Variants in PEAK1 observed in about 807,000 individuals in gnomAD.
PEAK1 encodes pseudopodium enriched atypical kinase 1.
Under a neutral mutation model 124.7 loss-of-function variants are expected in PEAK1, and 54 were observed. That is an observed-to-expected ratio of 0.43 (90% confidence interval 0.35 to 0.54). The LOEUF is 0.54. PEAK1 is among the 20% of genes least tolerant of loss of function. The pLI, the probability that PEAK1 is intolerant of heterozygous loss-of-function variation, is 0.01. For missense variants in PEAK1, 2,046 were observed against 2,134.5 expected (o/e 0.96, Z 0.82); for synonymous variants, 719 against 760.0 (o/e 0.95, Z 0.89).
intron 1 of PEAK1, among the ~76,000 whole-genome samples, chr15:77,384,109 T>C (rs562748418): frequency 6.6e-6 from 1 of 151,924 alleles, no homozygotes; most frequent in Non-Finnish European, 1.5e-5. Flanking sequence ...TGAGGGAGGG[T>C]ATGGAATGTA....
Position 77,311,545 on chromosome 15 carries a change from A to G in PEAK1, c.-602-25041T>C, listed in dbSNP as rs142952452. 7.3e-3 allele frequency among the ~76,000 whole-genome samples: 1,105 copies of G among 151,806 alleles called. 15 individuals are homozygous for G. The highest frequency in any genetic ancestry group is 0.025 in the African/African-American group (1,049 of 41,402). The stretch of plus-strand genomic sequence containing the variant: ...ACAAAAATTAGGCGTGCTGGCGGGT[A>G]CCTGTAATCCTAGCTACTCGGGAGG... On this transcript the variant is annotated intron_variant, in intron 2 of 9. Coordinates refer to ENST00000682557, the MANE Select transcript of PEAK1 (RefSeq NM_001385026.1).
chr15:77,325,878 T>C (rs1228480759), intron 2 of PEAK1, among the ~76,000 whole-genome samples: 3 of 152,112 alleles, frequency 2.0e-5, no homozygotes, highest in Non-Finnish European at 2.9e-5. Context: ...GGTTACCTTA[T>C]ATAAAGTTAA....
At chr15:77,143,951 T>C (rs2053986344) in intron 8 of PEAK1, among the ~76,000 whole-genome samples, 1 of 152,222 alleles carries the variant, frequency 6.6e-6, no homozygotes, top group Admixed American at 6.5e-5. Context: ...GTGTGGGCCC[T>C]GTAAGAAGCT....
At chr15:77,337,663 A>G in intron 2 of PEAK1, 3 of 985,416 alleles carry the variant, frequency 3.0e-6, no homozygotes, top group Non-Finnish European at 3.6e-6. Flanking sequence ...AAACCATGGC[A>G]TATGCAAAAA....
At chr15:77,334,847 G>A in intron 2 of PEAK1, 1 of 985,206 alleles carries the variant, frequency 1.0e-6, no homozygotes, top group Non-Finnish European at 1.2e-6. Context: ...ATTTTAATTT[G>A]GCAACTGTAT....
chr15:77,216,089 G>A (rs1321802150), intron 6 of PEAK1, among the ~76,000 whole-genome samples: 1 of 152,078 alleles, frequency 6.6e-6, no homozygotes, highest in East Asian at 1.9e-4. Context: ...AATACCTGTT[G>A]CAATTCTGAT....
Position 77,179,959 on chromosome 15 carries a change from T to C in PEAK1, c.1968A>G (p.Lys656=), listed in dbSNP as rs1360003666. The C allele has an allele frequency of 6.2e-7, 1 of 1,614,128 alleles. No individual in the cohort carries two copies. The highest frequency in any genetic ancestry group is 1.7e-5 in the Admixed American group (1 of 60,016). Residue 656 remains lysine (K), a synonymous_variant, in exon 7 of 10, where the codon AAA becomes AAG. Coordinates refer to ENST00000682557, the MANE Select transcript of PEAK1 (RefSeq NM_001385026.1). The part of the protein sequence containing the change: ...GTSGELSVKE[K]TTSVISHTYE... Reference sequence around the variant, plus strand: ...AAGTATGGCTTATTACACTTGTGGTTTTTTCCTTCACTGAGAGTTCTCCAC... The same window carrying C: ...AAGTATGGCTTATTACACTTGTGGTCTTTTCCTTCACTGAGAGTTCTCCAC...
intron 7 of PEAK1, among the ~76,000 whole-genome samples, chr15:77,168,187 GGATTTTCATTTTC>G (rs2056246573): frequency 2.0e-5 from 3 of 151,154 alleles, no homozygotes; most frequent in Admixed American, 2.0e-4. Context: ...AGAAGTGCTG[GGATTTTCATTTTC>G]CATGCCATAT....
intron 6 of PEAK1, among the ~76,000 whole-genome samples, chr15:77,201,187 A>G (rs2058343304): frequency 6.7e-6 from 1 of 149,432 alleles, no homozygotes; most frequent in African/African-American, 2.5e-5. Context: ...TTTAAGACAT[A>G]TATCAACCCT....
At chr15:77,216,749 C>T (rs1052677841) in intron 6 of PEAK1, among the ~76,000 whole-genome samples, 4 of 152,194 alleles carry the variant, frequency 2.6e-5, no homozygotes, top group Admixed American at 6.5e-5. Context: ...TCAGCTTACA[C>T]AATTCTGGCT....
chr15:77,366,702 T>C (rs1338820695), intron 1 of PEAK1, among the ~76,000 whole-genome samples: 2 of 151,754 alleles, frequency 1.3e-5, no homozygotes. Context: ...ACTACACAGG[T>C]GCCCACCACC....
At chr15:77,139,376 A>C (rs1195649685) in intron 8 of PEAK1, among the ~76,000 whole-genome samples, 1 of 152,228 alleles carries the variant, frequency 6.6e-6, no homozygotes, top group Non-Finnish European at 1.5e-5. Context: ...AAAATGCACA[A>C]ACCAGTAACT....
chr15:77,160,654 A>C (rs2055556101), intron 7 of PEAK1, among the ~76,000 whole-genome samples: 1 of 152,082 alleles, frequency 6.6e-6, no homozygotes, highest in South Asian at 2.1e-4. Flanking sequence ...CCAGCCTAGC[A>C]ACAGAGTGAG....
In PEAK1 at chr15:77,309,254, C is replaced by T. The variant is rs1003923164; in HGVS notation, c.-602-22750G>A. Reference sequence around the variant, plus strand: ...AAAGTAAAAAGAGAAACCTTAGAAACCCCTGACAAATTATGCTTAGGACTT... The same window carrying T: ...AAAGTAAAAAGAGAAACCTTAGAAATCCCTGACAAATTATGCTTAGGACTT... On this transcript the variant is annotated intron_variant, in intron 2 of 9. Transcript: ENST00000682557. Among the ~76,000 whole-genome samples, 6 of 152,124 alleles carry T rather than the reference C, an allele frequency of 3.9e-5. No individual in the cohort carries two copies. The East Asian group carries it at 1.2e-3, about 29-fold the overall frequency.
At chr15:77,354,241 A>C (rs1255117350) in intron 2 of PEAK1, among the ~76,000 whole-genome samples, 2 of 152,188 alleles carry the variant, frequency 1.3e-5, no homozygotes, top group Non-Finnish European at 1.5e-5. Flanking sequence ...GAAAGGAAAC[A>C]AATAGTGCCA....
intron 7 of PEAK1, among the ~76,000 whole-genome samples, chr15:77,174,895 A>G (rs970519663): frequency 6.6e-6 from 1 of 152,164 alleles, no homozygotes; most frequent in African/African-American, 2.4e-5. Context: ...TACTGGTACC[A>G]AAACAGAGAT....
downstream of PEAK1, chr15:77,103,311 A>C (rs1165953306): frequency 6.6e-6 from 1 of 152,070 alleles, no homozygotes; most frequent in Non-Finnish European, 1.5e-5. Context: ...ACACCTGGCT[A>C]ATTTTTGTAT....
chr15:77,206,142 C>T (rs1312921989), intron 6 of PEAK1, among the ~76,000 whole-genome samples: 1 of 115,386 alleles, frequency 8.7e-6, no homozygotes, highest in African/African-American at 3.3e-5. Context: ...CATGTCCCTA[C>T]AAAGGACATG....
intron 2 of PEAK1, among the ~76,000 whole-genome samples, chr15:77,302,830 G>A (rs1193879586): frequency 6.6e-6 from 1 of 152,086 alleles, no homozygotes; most frequent in African/African-American, 2.4e-5. Context: ...AAAATTCTCT[G>A]GGTTTTGGCA....
Sources: allele counts gnomAD v4.1 joint callset (sites outside exome capture counted in the v4.1 genomes callset), GRCh38; gene constraint gnomAD v4.1.1; transcripts MANE v1.5; gene names NCBI Gene and HGNC (gene_info 2026-07-23, HGNC 2026-07-21).